Variants in CUX1 observed in about 807,000 individuals in gnomAD.
The protein encoded by CUX1 is protein CASP.
Under a neutral mutation model 158.8 loss-of-function variants are expected in CUX1, and 31 were observed. The observed-to-expected ratio is 0.20, with a 90% CI of 0.15 to 0.26. The LOEUF is 0.26. Ranked by LOEUF, CUX1 falls within the 10% of genes least tolerant of loss-of-function variation. CUX1 has a pLI of 1.00. For missense variants in CUX1, 1,589 were observed against 2,014.6 expected, an observed-to-expected ratio of 0.79 and a Z score of 4.04; for synonymous variants, 879 against 862.1, an observed-to-expected ratio of 1.02 and a Z score of -0.34.
chr7:102,018,172 A>T (rs369624039), intron 2 of CUX1, among the ~76,000 whole-genome samples: 1 of 151,966 alleles, frequency 6.6e-6, no homozygotes, highest in Non-Finnish European at 1.5e-5. Flanking sequence ...TCTTGCCTAG[A>T]CTGGTCTTGA....
Position 102,239,395 on chromosome 7 carries a change from G to A in CUX1, c.3698G>A (p.Ser1233Asn), listed in dbSNP as rs782657123. Residue 1233 changes from serine to asparagine, a missense_variant, in exon 23 of 24, where the codon AGC becomes AAC. This residue lies in a region of CUX1 where 259 missense variants were observed against 373.8 expected (regional missense o/e 0.69). Coordinates refer to ENST00000292535, the MANE Select transcript of CUX1 (RefSeq NM_181552.4). ...CEPPSVGTEY[S>N]QGASPQPQHQ... ...CCGCCCTCTGTCGGCACCGAGTACA[G>A]CCAGGGCGCCAGCCCCCAGCCCCAG... 1.9e-6 allele frequency: 3 copies of A among 1,613,414 alleles called. No homozygotes were observed. Among genetic ancestry groups the A allele is most frequent in the Non-Finnish European group, 2.5e-6 (3 of 1,179,904 alleles).
intron 2 of CUX1, among the ~76,000 whole-genome samples, chr7:102,012,325 C>T (rs1818131262): frequency 6.6e-6 from 1 of 151,758 alleles, no homozygotes; most frequent in Non-Finnish European, 1.5e-5. Context: ...GTAGCTGGGA[C>T]TATAGGTGCG....
At chr7:102,064,261 G>C (rs1825286867) in intron 3 of CUX1, among the ~76,000 whole-genome samples, 1 of 152,100 alleles carries the variant, frequency 6.6e-6, no homozygotes, top group African/African-American at 2.4e-5. Flanking sequence ...TGTTGCCCAG[G>C]TTGGTCTTGA....
At position 102,250,424 on chromosome 7, in the gene CUX1, A is replaced by G; in HGVS notation, c.*1382A>G. On this transcript the variant is annotated 3_prime_UTR_variant, in exon 24 of 24. Transcript: ENST00000292535. ...GAACTGAGCCCTCCCAGGGGAAGAC[A>G]CTCCCCAGGCCTGGGCAGGGCTTAC... 5 of 985,070 alleles carry G rather than the reference A, an allele frequency of 5.1e-6. No individual in the cohort carries two copies. The highest frequency in any genetic ancestry group is 4.8e-6 in the Non-Finnish European group (4 of 829,896). 61.0% of individuals were successfully genotyped at this position (985,070 alleles called of 1,614,324 possible). A position where few individuals can be genotyped will look rare whatever the true frequency, so the allele number is the denominator to read the frequency against.
At chr7:101,992,720 A>T (rs1316827515) in intron 2 of CUX1, among the ~76,000 whole-genome samples, 2 of 152,200 alleles carry the variant, frequency 1.3e-5, no homozygotes, top group African/African-American at 4.8e-5. Flanking sequence ...ATGATGTGCC[A>T]TACTGTTAGC....
chr7:101,959,230 G>A (rs1810151131), intron 2 of CUX1, among the ~76,000 whole-genome samples: 1 of 119,632 alleles, frequency 8.4e-6, no homozygotes, highest in Admixed American at 8.9e-5. Flanking sequence ...CTAGCTCTAT[G>A]TGTGTGCAGT....
At chr7:102,119,919 T>C (rs1831857831) in intron 8 of CUX1, among the ~76,000 whole-genome samples, 2 of 152,228 alleles carry the variant, frequency 1.3e-5, no homozygotes, top group African/African-American at 4.8e-5. Context: ...CCCGCTTCTC[T>C]TAGCAAATGG....
intron 3 of CUX1, among the ~76,000 whole-genome samples, chr7:102,048,210 C>T (rs918683679): frequency 9.2e-5 from 14 of 152,218 alleles, no homozygotes; most frequent in African/African-American, 2.9e-4. Context: ...TCCAGCCTCT[C>T]CTCCCCTCCA....
At chr7:101,859,934 C>CTCCT (rs1017683219) in intron 1 of CUX1, among the ~76,000 whole-genome samples, 3 of 142,674 alleles carry the variant, frequency 2.1e-5, no homozygotes, top group South Asian at 2.2e-4. Context: ...TCTTTCTTTG[C>CTCCT]TCCTTCCTTC....
rs1801171156 is a variant in CUX1 at position 102,249,033 on chromosome 7, G to C, written c.4509G>C (p.Trp1503Cys). The change falls in exon 24 of 24, where the codon TGG (tryptophan) becomes TGC (cysteine). Residue 1503 changes from tryptophan (W) to cysteine (C), a missense_variant. By Grantham distance (215) the Trp-to-Cys change is radical (BLOSUM62 -2). Transcript: ENST00000292535. ...KAASREEPIE[W>C]EF ...CCAGCCGGGAGGAACCTATCGAATG[G>C]GAGTTCTGAGGGGCCGCGGCCCTGG... The C allele has an allele frequency of 7.4e-7, 1 of 1,347,016 alleles. No individual in the cohort carries two copies. The highest frequency in any genetic ancestry group is 1.7e-5 in the South Asian group (1 of 57,900). The allele number at this position is 1,347,016 out of a possible 1,614,324, so 83.4% of individuals were successfully genotyped here.
At chr7:102,209,533 C>T (rs1796321129) in intron 20 of CUX1, among the ~76,000 whole-genome samples, 1 of 152,170 alleles carries the variant, frequency 6.6e-6, no homozygotes, top group African/African-American at 2.4e-5. Flanking sequence ...GTTACCTGTT[C>T]ATAGATTTCC....
At chr7:102,010,900 C>T (rs754508970) in intron 2 of CUX1, among the ~76,000 whole-genome samples, 17 of 152,106 alleles carry the variant, frequency 1.1e-4, no homozygotes, top group Non-Finnish European at 2.2e-4. Flanking sequence ...CACCTGAGGT[C>T]GAGAGTGTGA....
At chr7:102,122,921 A>C (rs888855956) in intron 8 of CUX1, among the ~76,000 whole-genome samples, 5 of 152,124 alleles carry the variant, frequency 3.3e-5, no homozygotes, top group African/African-American at 1.2e-4. Flanking sequence ...CTCTGTACTC[A>C]AAAACACGTA....
chr7:102,191,135 C>T (rs1794227408), intron 12 of CUX1, among the ~76,000 whole-genome samples: 1 of 152,134 alleles, frequency 6.6e-6, no homozygotes, highest in Admixed American at 6.6e-5. Flanking sequence ...TGAGCGGTCT[C>T]ATCCCCTCTC....
At chr7:102,153,233 T>C (rs1554504070) in intron 8 of CUX1, 1 of 152,196 alleles carries the variant, frequency 6.6e-6, no homozygotes, top group African/African-American at 2.4e-5. Context: ...CCAGGCCCCA[T>C]AAACCTGGCA....
chr7:102,128,727 C>T (rs1478658861), intron 8 of CUX1, among the ~76,000 whole-genome samples: 3 of 151,952 alleles, frequency 2.0e-5, no homozygotes, highest in Non-Finnish European at 4.4e-5. Context: ...CCTGTAATCC[C>T]AGCACTTTGG....
At chr7:101,878,213 T>G (rs1384649974) in intron 1 of CUX1, among the ~76,000 whole-genome samples, 1 of 151,882 alleles carries the variant, frequency 6.6e-6, no homozygotes, top group East Asian at 1.9e-4. Context: ...CAGTAAGGAG[T>G]CAATGAAATC....
intron 20 of CUX1, among the ~76,000 whole-genome samples, chr7:102,281,329 C>T (rs1554549183): frequency 6.6e-6 from 1 of 152,028 alleles, no homozygotes; most frequent in Non-Finnish European, 1.5e-5. Flanking sequence ...GTGACCACTA[C>T]ATTCCAGCCT....
intron 1 of CUX1, among the ~76,000 whole-genome samples, chr7:101,889,417 C>A (rs1800615846): frequency 6.6e-6 from 1 of 152,180 alleles, no homozygotes; most frequent in Non-Finnish European, 1.5e-5. Context: ...TACTTACTTC[C>A]AGCTTTATGG....
Sources: gnomAD v4.1 joint callset for allele counts (sites outside exome capture counted in the v4.1 genomes callset) on GRCh38, gnomAD v4.1.1 for gene constraint, gnomAD v4.1.1 regional missense constraint, MANE v1.5 for transcripts, NCBI Gene and HGNC (gene_info 2026-07-23, HGNC 2026-07-21) for gene names.